The following KLHL6 variants were observed in gnomAD, a reference collection of about 807,000 sequenced individuals.
The protein encoded by KLHL6 is kelch-like protein 6.
A neutral mutation model predicts 58.6 loss-of-function variants in KLHL6; 41 were observed. The observed-to-expected ratio is 0.70, with a 90% CI of 0.55 to 0.91. The LOEUF (loss-of-function observed/expected upper bound fraction) is 0.91, where lower values mean the gene tolerates loss of function less well. Among genes scored for constraint, KLHL6 ranks in the 40% least tolerant of loss-of-function variants. KLHL6 has a pLI of 0.00. For missense variants in KLHL6, 714 were observed against 805.6 expected, an observed-to-expected ratio of 0.89 and a Z score of 1.38; for synonymous variants, 338 against 322.7, an observed-to-expected ratio of 1.05 and a Z score of -0.51.
At chr3:183,530,965 G>A (rs1251500340) in intron 1 of KLHL6, among the ~76,000 whole-genome samples, 1 of 151,724 alleles carries the variant, frequency 6.6e-6, no homozygotes, top group Non-Finnish European at 1.5e-5. Context: ...TGGAGTAGCT[G>A]GGATTATAGG....
intron 1 of KLHL6, among the ~76,000 whole-genome samples, chr3:183,533,674 G>A (rs1032328081): frequency 3.9e-5 from 6 of 152,020 alleles, no homozygotes; most frequent in Non-Finnish European, 8.8e-5. Flanking sequence ...GAGAGAGAAC[G>A]AGAGAGAGAC....
chr3:183,546,450 G>A lies in KLHL6; in HGVS notation c.293+8911C>T, dbSNP rs535414469. ...GACAGCCCTGACAGCAGTGCCAGTG[G>A]CTGCAGCTGTGCAGCTGTGGCCCCA... On this transcript the variant is annotated intron_variant, in intron 1 of 6. Transcript: ENST00000341319. 4.6e-5 allele frequency among the ~76,000 whole-genome samples: 7 copies of A among 152,274 alleles called. No individual in the cohort carries two copies. The East Asian group carries it at 1.4e-3, about 29-fold the overall frequency.
intron 3 of KLHL6, among the ~76,000 whole-genome samples, chr3:183,501,465 C>A (rs1331760608): frequency 6.6e-6 from 1 of 152,154 alleles, no homozygotes; most frequent in Non-Finnish European, 1.5e-5. Context: ...TCCCTTATGA[C>A]CCTTTCTTCA....
chr3:183,492,123 T>C lies in KLHL6; in HGVS notation c.1670A>G (p.Asn557Ser), dbSNP rs1717577748. Residue 557 changes from asparagine (N) to serine (S), a missense_variant, in exon 7 of 7, where the codon AAC becomes AGC. Asn to Ser is a conservative substitution (Grantham distance 46). Transcript: ENST00000341319. The surrounding 1 kb of genome is among the most constrained non-coding windows in gnomAD (Gnocchi z 5.9). The stretch of plus-strand genomic sequence containing the variant: ...CCCGCCGGTGATGTAGAGCCGGTTG[T>C]TGCAGGGCGCGATACCGCAGCTGGC... ...ERASCGIAPC[N>S]NRLYITGGRD... 1.2e-6 allele frequency: 2 copies of C among 1,613,686 alleles called. No homozygotes were observed. The highest frequency in any genetic ancestry group is 8.5e-7 in the Non-Finnish European group (1 of 1,180,016).
intron 4 of KLHL6, among the ~76,000 whole-genome samples, chr3:183,495,704 TGATGA>T (rs1003126892): frequency 2.6e-5 from 4 of 152,132 alleles, no homozygotes; most frequent in African/African-American, 9.7e-5. Flanking sequence ...GAGGGGAACT[TGATGA>T]GATAATTCTA....
At chr3:183,534,695 T>C (rs1296816233) in intron 1 of KLHL6, among the ~76,000 whole-genome samples, 1 of 151,844 alleles carries the variant, frequency 6.6e-6, no homozygotes, top group African/African-American at 2.4e-5. Flanking sequence ...AGCCCCACCA[T>C]GCCCGGCCCC....
In KLHL6 at chr3:183,499,855, C is replaced by A; in HGVS notation, c.910-28G>T. 3 of 1,518,398 alleles carry A rather than the reference C, an allele frequency of 2.0e-6. No individual in the cohort carries two copies. The highest frequency in any genetic ancestry group is 2.7e-6 in the Non-Finnish European group (3 of 1,123,204). The allele number at this position is 1,518,398 out of a possible 1,614,324, so 94.1% of individuals were successfully genotyped here. ...GGAAATCGATGGGGGTACATGAAGG[C>A]AGGGACAACACAAAGTTTCAGAGCT... On this transcript the variant is annotated intron_variant, in intron 3 of 6. Coordinates refer to ENST00000341319, the MANE Select transcript of KLHL6 (RefSeq NM_130446.4). The surrounding 1 kb of genome is among the most constrained non-coding windows in gnomAD (Gnocchi z 4.6).
chr3:183,536,039 G>T (rs975765945), intron 1 of KLHL6, among the ~76,000 whole-genome samples: 5 of 152,218 alleles, frequency 3.3e-5, no homozygotes, highest in Non-Finnish European at 7.3e-5. Flanking sequence ...CTCCCAAAGT[G>T]CTGGGATTAC....
At chr3:183,500,944 T>C (rs1717850112) in intron 3 of KLHL6, among the ~76,000 whole-genome samples, 1 of 152,198 alleles carries the variant, frequency 6.6e-6, no homozygotes, top group Admixed American at 6.5e-5. Context: ...GAGCCACAAA[T>C]AGTCAGACCA....
chr3:183,531,577 GC>G (rs1038922365), intron 1 of KLHL6, among the ~76,000 whole-genome samples: 3 of 150,396 alleles, frequency 2.0e-5, no homozygotes, highest in African/African-American at 7.4e-5. Flanking sequence ...CTCCCAAGTA[GC>G]TGGAACTACA....
intron 2 of KLHL6, among the ~76,000 whole-genome samples, chr3:183,513,956 T>G (rs2108677882): frequency 6.6e-6 from 1 of 152,250 alleles, no homozygotes; most frequent in Non-Finnish European, 1.5e-5. Flanking sequence ...CACTTATGAG[T>G]GAGAACATGC....
At chr3:183,546,015 A>G (rs1421735957) in intron 1 of KLHL6, among the ~76,000 whole-genome samples, 1 of 152,182 alleles carries the variant, frequency 6.6e-6, no homozygotes, top group African/African-American at 2.4e-5. Flanking sequence ...AGTGTCAGCC[A>G]TTGCAATGGC....
intron 2 of KLHL6, among the ~76,000 whole-genome samples, chr3:183,516,061 A>C (rs1037667047): frequency 5.3e-5 from 8 of 152,254 alleles, no homozygotes; most frequent in Non-Finnish European, 7.3e-5. Context: ...TTGATGCTCC[A>C]GTCAGCATCG....
chr3:183,504,490 C>T (rs542749893), intron 3 of KLHL6, among the ~76,000 whole-genome samples: 1 of 152,258 alleles, frequency 6.6e-6, no homozygotes, highest in Non-Finnish European at 1.5e-5. Flanking sequence ...TGACTCTGCC[C>T]CCAGCACCTC....
intron 3 of KLHL6, among the ~76,000 whole-genome samples, chr3:183,507,493 G>A (rs113339715): frequency 0.061 from 9,257 of 152,100 alleles, 923 homozygotes; most frequent in African/African-American, 0.21. Flanking sequence ...GTGCAGTGGC[G>A]TGATCTCGGC....
At position 183,546,672 on chromosome 3, in the gene KLHL6, T is replaced by C. The variant is rs1022532501; in HGVS notation, c.293+8689A>G. ...TCGAATAAGCCAGAGTTGATTTCTG[T>C]TTCTCAGAACCAAGAAATCTGACTT... On this transcript the variant is annotated intron_variant, in intron 1 of 6. Coordinates refer to ENST00000341319, the MANE Select transcript of KLHL6 (RefSeq NM_130446.4). Among the ~76,000 whole-genome samples, 4 of 152,214 alleles carry C rather than the reference T, an allele frequency of 2.6e-5. No homozygotes were observed. The South Asian group carries it at 8.3e-4, about 32-fold the overall frequency.
At chr3:183,540,234 G>T (rs1712509951) in intron 1 of KLHL6, among the ~76,000 whole-genome samples, 1 of 152,164 alleles carries the variant, frequency 6.6e-6, no homozygotes, top group African/African-American at 2.4e-5. Context: ...TGCTGAGCTG[G>T]TGGACATGAA....
intron 1 of KLHL6, among the ~76,000 whole-genome samples, chr3:183,528,571 C>A (rs1712056225): frequency 6.6e-6 from 1 of 152,180 alleles, no homozygotes; most frequent in African/African-American, 2.4e-5. Context: ...CTGGATTCTG[C>A]CTTTCCTGCT....
rs2108660542 is a variant in KLHL6 at position 183,490,310 on chromosome 3, G to A, written c.*1617C>T. The A allele has an allele frequency of 6.6e-6, 1 of 152,300 alleles. No individual in the cohort carries two copies. Among genetic ancestry groups the A allele is most frequent in the Middle Eastern group, 3.4e-3 (1 of 294 alleles). 9.4% of individuals were successfully genotyped at this position (152,300 alleles called of 1,614,324 possible). On this transcript the variant is annotated 3_prime_UTR_variant, in exon 7 of 7. Transcript: ENST00000341319. ...AAACTAGAAAGTGTACCATCAAGGA[G>A]AATCTGTCGCTCCTGTGTAGGCCAG...
Sources: gnomAD v4.1 joint callset for allele counts (sites outside exome capture counted in the v4.1 genomes callset) on GRCh38, gnomAD v4.1.1 for gene constraint, Gnocchi (gnomAD v3.1) non-coding constraint, MANE v1.5 for transcripts, NCBI Gene and HGNC (gene_info 2026-07-23, HGNC 2026-07-21) for gene names.